The following UNC13C variants were observed in gnomAD, a reference collection of about 807,000 sequenced individuals.
UNC13C encodes the protein protein unc-13 homolog C.
UNC13C carries 174 observed loss-of-function variants against 245.4 expected under a neutral mutation model. The ratio of observed to expected loss-of-function variants is 0.71; its 90% CI spans 0.63 to 0.80. UNC13C has a LOEUF of 0.80. UNC13C is among the 30% of genes least tolerant of loss of function. UNC13C has a pLI of 0.00. For synonymous variants in UNC13C, 992 were observed against 895.1 expected (o/e 1.11, Z -1.93); for missense variants, 2,829 against 2,602.9 (o/e 1.09, Z -1.89).
At chr15:53,956,940 C>T in the UNC13C span, among the ~76,000 whole-genome samples, 2 of 141,750 alleles carry the variant, frequency 1.4e-5, no homozygotes, top group Non-Finnish European at 3.1e-5. Context: ...AACATGGCAG[C>T]TCTGCATGTC....
intron 19 of UNC13C, among the ~76,000 whole-genome samples, chr15:54,444,706 A>C (rs865972264): frequency 7.9e-5 from 12 of 151,736 alleles, no homozygotes; most frequent in African/African-American, 2.7e-4. Context: ...GTGCTCTACC[A>C]GTGGGTTTTA....
intron 7 of UNC13C, among the ~76,000 whole-genome samples, chr15:54,239,514 G>T (rs539752441): frequency 1.3e-5 from 2 of 152,244 alleles, no homozygotes; most frequent in Middle Eastern, 3.4e-3. Context: ...GCAGTGGTAG[G>T]GTCATAGCTC....
chr15:54,480,655 C>T (rs1264025374), intron 19 of UNC13C, among the ~76,000 whole-genome samples: 1 of 151,880 alleles, frequency 6.6e-6, no homozygotes, highest in Non-Finnish European at 1.5e-5. Context: ...GGTTCTCTTG[C>T]TCTGTGTTTC....
intron 4 of UNC13C, among the ~76,000 whole-genome samples, chr15:54,172,555 C>T (rs1298775837): frequency 6.6e-6 from 1 of 150,770 alleles, no homozygotes; most frequent in East Asian, 1.9e-4. Context: ...TAAATTATAC[C>T]ACAGGTTATC....
chr15:54,071,665 AAAC>A (rs150231113), intron 2 of UNC13C, among the ~76,000 whole-genome samples: 21,265 of 151,994 alleles, frequency 0.14, 1,547 homozygotes, highest in Middle Eastern at 0.21. Flanking sequence ...TGGTTGAAAA[AAAC>A]AAAAAGAACA....
intron 17 of UNC13C, among the ~76,000 whole-genome samples, chr15:54,340,603 C>T (rs548995058): frequency 1.2e-4 from 19 of 152,140 alleles, no homozygotes; most frequent in African/African-American, 3.6e-4. Flanking sequence ...TGTAAGTATG[C>T]GGGTTTATTT....
chr15:54,275,864 CATCAATAGGTGAATAGAT>C (rs942057389), intron 10 of UNC13C, among the ~76,000 whole-genome samples: 2 of 152,162 alleles, frequency 1.3e-5, no homozygotes, highest in East Asian at 1.9e-4. Context: ...CCCAAGTCTT[CATCAATAGGTGAATAGAT>C]ATCAATAGGT....
intron 2 of UNC13C, among the ~76,000 whole-genome samples, chr15:54,107,197 T>A (rs972726436): frequency 6.6e-6 from 1 of 152,204 alleles, no homozygotes; most frequent in South Asian, 2.1e-4. Context: ...ATTGCAATTA[T>A]GCCTGAGCCT....
intron 2 of UNC13C, among the ~76,000 whole-genome samples, chr15:54,132,137 G>A (rs1244251685): frequency 7.0e-6 from 1 of 143,430 alleles, no homozygotes; most frequent in Non-Finnish European, 1.5e-5. Context: ...CACAATCTAG[G>A]CTCACTGCAA....
the UNC13C span, among the ~76,000 whole-genome samples, chr15:53,914,924 C>A: frequency 6.6e-6 from 1 of 152,068 alleles, no homozygotes; most frequent in East Asian, 1.9e-4. Flanking sequence ...ATACTGTATT[C>A]CTTTGTTTCT....
In UNC13C at chr15:54,315,674, A is replaced by G. The variant is rs543842308; in HGVS notation, c.4269-6265A>G. On this transcript the variant is annotated intron_variant, in intron 13 of 32. Coordinates refer to ENST00000260323, the MANE Select transcript of UNC13C (RefSeq NM_001080534.3). The stretch of plus-strand genomic sequence containing the variant: ...TAGTCCATGTCTCCAAAAACCAGTA[A>G]CATTCCTACATGGAAGCTCTATGAG... Among the ~76,000 whole-genome samples, 151 of 151,818 alleles carry G rather than the reference A, an allele frequency of 9.9e-4. 1 individual carries two copies. The highest frequency in any genetic ancestry group is 3.3e-3 in the African/African-American group (136 of 41,470).
At chr15:54,457,137 A>G (rs1399994816) in intron 19 of UNC13C, among the ~76,000 whole-genome samples, 1 of 152,136 alleles carries the variant, frequency 6.6e-6, no homozygotes, top group Non-Finnish European at 1.5e-5. Flanking sequence ...TGAGATGATC[A>G]TATGATTATT....
chr15:54,128,439 G>A (rs994237839), intron 2 of UNC13C, among the ~76,000 whole-genome samples: 9 of 151,888 alleles, frequency 5.9e-5, no homozygotes, highest in Non-Finnish European at 1.0e-4. Context: ...TTGTTTTAGC[G>A]GCATTGGAAT....
intron 1 of UNC13C, among the ~76,000 whole-genome samples, chr15:54,004,812 T>C (rs1306512779): frequency 6.6e-6 from 1 of 152,238 alleles, no homozygotes; most frequent in African/African-American, 2.4e-5. Context: ...ATTCTTTTGA[T>C]AAATGTCTAT....
chr15:54,355,992 A>C (rs2039086828), intron 17 of UNC13C, among the ~76,000 whole-genome samples: 1 of 152,238 alleles, frequency 6.6e-6, no homozygotes, highest in Non-Finnish European at 1.5e-5. Context: ...CATATTATAC[A>C]TACTCTACTG....
intron 24 of UNC13C, among the ~76,000 whole-genome samples, chr15:54,513,488 A>C (rs1465156088): frequency 1.3e-5 from 2 of 152,196 alleles, no homozygotes; most frequent in African/African-American, 4.8e-5. Flanking sequence ...CTAATTAAAA[A>C]TGTTATAAAG....
intron 19 of UNC13C, among the ~76,000 whole-genome samples, chr15:54,471,925 C>T (rs1229383084): frequency 6.6e-6 from 1 of 151,668 alleles, no homozygotes; most frequent in Non-Finnish European, 1.5e-5. Context: ...TACTCTATGC[C>T]TTTTGATTAC....
intron 18 of UNC13C, among the ~76,000 whole-genome samples, chr15:54,413,151 A>G (rs966541348): frequency 6.6e-6 from 1 of 152,054 alleles, no homozygotes; most frequent in Admixed American, 6.5e-5. Flanking sequence ...TTCATTTTAT[A>G]TATTGTGAGA....
intron 26 of UNC13C, among the ~76,000 whole-genome samples, chr15:54,542,454 G>A (rs1170534692): frequency 6.6e-6 from 1 of 152,120 alleles, no homozygotes; most frequent in East Asian, 1.9e-4. Context: ...GCAATGTGGT[G>A]CTGAGAAGAA....
Sources: gnomAD v4.1 joint callset for allele counts (sites outside exome capture counted in the v4.1 genomes callset) on GRCh38, gnomAD v4.1.1 for gene constraint, MANE v1.5 for transcripts, NCBI Gene and HGNC (gene_info 2026-07-23, HGNC 2026-07-21) for gene names.